Variants in PCDHA9 observed in about 807,000 individuals in gnomAD.
PCDHA9 encodes the protein protocadherin alpha 9, also known as protocadherin alpha-9.
Under a neutral mutation model 62.0 loss-of-function variants are expected in PCDHA9, and 62 were observed. That is an observed-to-expected ratio of 1.00 (90% CI 0.81 to 1.23). PCDHA9 has a LOEUF of 1.23. Among genes scored for constraint, PCDHA9 ranks in the 50% most tolerant of loss-of-function variants. The pLI is 0.00. For missense variants in PCDHA9, 1,205 were observed against 1,249.8 expected, an observed-to-expected ratio of 0.96 and a Z score of 0.54; for synonymous variants, 557 against 567.6, an observed-to-expected ratio of 0.98 and a Z score of 0.27.
intron 1 of PCDHA9, chr5:140,857,553 C>A: frequency 1.3e-6 from 2 of 1,597,008 alleles, no homozygotes; most frequent in Non-Finnish European, 1.7e-6. Flanking sequence ...GGCGAGCGCT[C>A]GCTGTCGAGC....
chr5:140,850,892 G>A lies in PCDHA9; in HGVS notation c.2394+3G>A, dbSNP rs2041866822. The A allele has an allele frequency of 6.3e-7, 1 of 1,577,404 alleles. No homozygotes were observed. The highest frequency in any genetic ancestry group is 1.1e-5 in the South Asian group (1 of 87,592). On this transcript the variant is annotated splice_donor_region_variant and intron_variant, in intron 1 of 3. Coordinates refer to ENST00000532602, the MANE Select transcript of PCDHA9 (RefSeq NM_031857.2). ...CTTCCTCAGATTCAACTGGGAAGGT[G>A]GGTTTTTCTAGCATTTTATTTATTT...
chr5:140,915,204 C>A (rs2077022161), intron 1 of PCDHA9, among the ~76,000 whole-genome samples: 1 of 152,120 alleles, frequency 6.6e-6, no homozygotes, highest in African/African-American at 2.4e-5. Flanking sequence ...ATCTTGGCCT[C>A]CCAAAGTGCT....
chr5:140,881,398 A>G, intron 1 of PCDHA9: 1 of 975,546 alleles, frequency 1.0e-6, no homozygotes, highest in Non-Finnish European at 1.2e-6. Context: ...GTTAAATTCT[A>G]TTAAATCAAT....
chr5:140,982,153 C>T (rs990862287), intron 2 of PCDHA9, among the ~76,000 whole-genome samples: 1 of 152,162 alleles, frequency 6.6e-6, no homozygotes, highest in Non-Finnish European at 1.5e-5. Flanking sequence ...GCTTCAGTAT[C>T]GAGATGTTAA....
chr5:140,870,510 A>T, intron 1 of PCDHA9: 1 of 1,614,220 alleles, frequency 6.2e-7, no homozygotes, highest in Non-Finnish European at 8.5e-7. Context: ...ACAACCCACC[A>T]GGCTGCCACA....
chr5:140,970,814 C>T (rs1175939096), intron 1 of PCDHA9, among the ~76,000 whole-genome samples: 1 of 152,068 alleles, frequency 6.6e-6, no homozygotes, highest in Non-Finnish European at 1.5e-5. Flanking sequence ...ATTTCAAGTT[C>T]ATGGTAATCT....
intron 1 of PCDHA9, among the ~76,000 whole-genome samples, chr5:140,905,832 G>A (rs1292036271): frequency 1.3e-5 from 2 of 152,150 alleles, no homozygotes; most frequent in Non-Finnish European, 2.9e-5. Context: ...TGTATATAAA[G>A]GGGAGTTTAT....
chr5:140,953,050 A>C (rs1169479924), intron 1 of PCDHA9, among the ~76,000 whole-genome samples: 1 of 152,122 alleles, frequency 6.6e-6, no homozygotes, highest in African/African-American at 2.4e-5. Flanking sequence ...TGATCCAATC[A>C]CCTCTCACAG....
At chr5:140,952,057 C>T (rs1214818651) in intron 1 of PCDHA9, among the ~76,000 whole-genome samples, 1 of 152,164 alleles carries the variant, frequency 6.6e-6, no homozygotes, top group Non-Finnish European at 1.5e-5. Flanking sequence ...AATCTTAAAG[C>T]TCCAAATAAT....
At chr5:140,931,793 A>C (rs979670484) in intron 1 of PCDHA9, among the ~76,000 whole-genome samples, 33 of 151,972 alleles carry the variant, frequency 2.2e-4, no homozygotes, top group African/African-American at 7.7e-4. Context: ...TATTGATCTG[A>C]TCTTAATTCT....
chr5:140,903,420 G>A (rs1562939328), intron 1 of PCDHA9, among the ~76,000 whole-genome samples: 1 of 152,150 alleles, frequency 6.6e-6, no homozygotes, highest in Non-Finnish European at 1.5e-5. Flanking sequence ...GAAAAATTCA[G>A]CACAATATGT....
chr5:140,960,293 T>C (rs990761387), intron 1 of PCDHA9, among the ~76,000 whole-genome samples: 5 of 152,174 alleles, frequency 3.3e-5, no homozygotes, highest in Non-Finnish European at 7.3e-5. Flanking sequence ...ACCCAGTTTC[T>C]TCATCAATAC....
At chr5:140,915,446 GT>G (rs2077122918) in intron 1 of PCDHA9, among the ~76,000 whole-genome samples, 1 of 152,184 alleles carries the variant, frequency 6.6e-6, no homozygotes, top group African/African-American at 2.4e-5. Flanking sequence ...TCTTGAGAAG[GT>G]TTTCCAGAAG....
At chr5:140,984,177 A>G (rs1337365733) in intron 3 of PCDHA9, among the ~76,000 whole-genome samples, 3 of 152,190 alleles carry the variant, frequency 2.0e-5, no homozygotes, top group Non-Finnish European at 4.4e-5. Context: ...AAGCCACGTG[A>G]AATCATGACT....
intron 3 of PCDHA9, among the ~76,000 whole-genome samples, chr5:141,001,760 G>A (rs2098035777): frequency 6.6e-6 from 1 of 152,146 alleles, no homozygotes; most frequent in South Asian, 2.1e-4. Flanking sequence ...GGTTGATGGC[G>A]GATGGTTTTT....
intron 1 of PCDHA9, chr5:140,876,048 T>C (rs376201695): frequency 6.2e-7 from 1 of 1,613,930 alleles, no homozygotes. Context: ...GTATATTGCC[T>C]GAATTAGTTC....
At chr5:140,875,790 G>A (rs376091049) in intron 1 of PCDHA9, 1 of 1,614,214 alleles carries the variant, frequency 6.2e-7, no homozygotes, top group Non-Finnish European at 8.5e-7. Flanking sequence ...GTATCCACCT[G>A]GAGGTGATCG....
In PCDHA9 at chr5:140,850,117, G is replaced by T; in HGVS notation, c.1622G>T (p.Gly541Val). Reference sequence around the variant, plus strand: ...TTCCAGGTGAGCGCGCGCGACGCGGGCGTGCCGCCTCTGGGCAGCAACGTG... The same window carrying T: ...TTCCAGGTGAGCGCGCGCGACGCGGTCGTGCCGCCTCTGGGCAGCAACGTG... ...LQFQVSARDA[G>V]VPPLGSNVTL... Residue 541 changes from glycine to valine, a missense_variant, in exon 1 of 4, where the codon GGC becomes GTC. Around this residue, in one of 3 missense-constraint regions of PCDHA9, gnomAD observed 887 missense variants for 809.5 expected, o/e 1.10. Coordinates refer to ENST00000532602, the MANE Select transcript of PCDHA9 (RefSeq NM_031857.2). The T allele has an allele frequency of 1.3e-6, 2 of 1,596,096 alleles. No homozygotes were observed. Among genetic ancestry groups the T allele is most frequent in the Non-Finnish European group, 1.7e-6 (2 of 1,167,858 alleles).
chr5:140,903,402 G>T (rs1293264385), intron 1 of PCDHA9, among the ~76,000 whole-genome samples: 6 of 152,192 alleles, frequency 3.9e-5, no homozygotes, highest in Non-Finnish European at 5.9e-5. Context: ...AAACAGTAGT[G>T]CAGTCAGGAA....
Sources: gnomAD v4.1 joint callset for allele counts (sites outside exome capture counted in the v4.1 genomes callset) on GRCh38, gnomAD v4.1.1 for gene constraint, gnomAD v4.1.1 regional missense constraint, MANE v1.5 for transcripts, NCBI Gene and HGNC (gene_info 2026-07-23, HGNC 2026-07-21) for gene names.